NSD2: variants seen among roughly 807,000 people sequenced by gnomAD.
The protein encoded by NSD2 is histone-lysine N-methyltransferase NSD2.
In NSD2, 12 loss-of-function variants were observed where a neutral mutation model predicts 139.0. The ratio of observed to expected loss-of-function variants is 0.09; its 90% confidence interval spans 0.06 to 0.14. NSD2 has a LOEUF of 0.14. Ranked by LOEUF, NSD2 falls within the 10% of genes least tolerant of loss-of-function variation. The pLI, the probability that NSD2 is intolerant of heterozygous loss-of-function variation, is 1.00. For synonymous variants in NSD2, 669 were observed against 648.7 expected, an observed-to-expected ratio of 1.03 and a Z score of -0.48; for missense variants, 1,155 against 1,745.0, an observed-to-expected ratio of 0.66 and a Z score of 6.02.
At chr4:1,885,005 G>C (rs1208885097) in intron 1 of NSD2, among the ~76,000 whole-genome samples, 1 of 151,906 alleles carries the variant, frequency 6.6e-6, no homozygotes, top group East Asian at 1.9e-4. Flanking sequence ...AGCTACTCAG[G>C]AGGCCGAGGC....
In NSD2 at chr4:1,918,218, G is replaced by A. The variant is rs569618048; in HGVS notation, c.1005G>A (p.Met335Ile). The stretch of plus-strand genomic sequence containing the variant: ...TTCAAGCAGAAGAAGCTGCAAGCAT[G>A]TCAGTGGAGGAGCGGAAAGCCAAGT... The part of the protein sequence containing the change: ...GIVQAEEAAS[M>I]SVEERKAKFT... The change falls in exon 5 of 22, where the codon ATG (methionine) becomes ATA (isoleucine). Residue 335 changes from methionine to isoleucine, a missense_variant. Physicochemically the swap from Met to Ile is conservative, Grantham distance 10. Coordinates refer to ENST00000508803, the MANE Select transcript of NSD2 (RefSeq NM_001042424.3). The A allele has an allele frequency of 2.5e-6, 4 of 1,613,530 alleles. No homozygotes were observed. Among genetic ancestry groups the A allele is most frequent in the Middle Eastern group, 1.6e-4 (1 of 6,084 alleles).
At chr4:1,945,124 C>T (rs569219597) in intron 9 of NSD2, 6 of 1,066,274 alleles carry the variant, frequency 5.6e-6, no homozygotes, top group East Asian at 5.0e-5. Context: ...GAGAGGTCCC[C>T]GCAGCTCTAG....
intron 3 of NSD2, among the ~76,000 whole-genome samples, chr4:1,906,526 C>T (rs1185799755): frequency 6.6e-6 from 1 of 151,998 alleles, no homozygotes; most frequent in African/African-American, 2.4e-5. Flanking sequence ...AGAAATGAGC[C>T]ACAGTGCCGC....
At chr4:1,910,501 C>T (rs769993981) in intron 3 of NSD2, among the ~76,000 whole-genome samples, 105 of 152,284 alleles carry the variant, frequency 6.9e-4, no homozygotes, top group Non-Finnish European at 1.1e-3. Context: ...ATATTACACT[C>T]ACTGGTCTCT....
chr4:1,932,895 A>G (rs1318579612), intron 6 of NSD2, among the ~76,000 whole-genome samples: 1 of 152,206 alleles, frequency 6.6e-6, no homozygotes, highest in Admixed American at 6.5e-5. Flanking sequence ...CCTGTGGGAA[A>G]GCGAGGCGCG....
rs199956960 is a variant in NSD2 at position 1,978,831 on chromosome 4, G to A, written c.4020G>A (p.Lys1340=). ...AASVRSTKTE[K]PPPEPGKPKG... ...CGGTCAGAAGCACCAAGACTGAGAA[G>A]CCCCCCCCAGAGCCAGGGAAGCCGA... The change falls in exon 22 of 22, where the codon AAG becomes AAA. Residue 1340 remains lysine (K), a synonymous_variant. Coordinates refer to ENST00000508803, the MANE Select transcript of NSD2 (RefSeq NM_001042424.3). The A allele has an allele frequency of 1.4e-5, 23 of 1,601,614 alleles. No homozygotes were observed. The highest frequency in any genetic ancestry group is 3.3e-4 in the Middle Eastern group (2 of 6,040).
chr4:1,958,159 C>A lies in NSD2; in HGVS notation c.2985+123C>A. 1 of 972,390 alleles carries A rather than the reference C, an allele frequency of 1.0e-6. No individual in the cohort carries two copies. The highest frequency in any genetic ancestry group is 1.5e-6 in the Non-Finnish European group (1 of 645,640). 60.2% of individuals were successfully genotyped at this position (972,390 alleles called of 1,614,324 possible). A position where few individuals can be genotyped will look rare whatever the true frequency, so the allele number is the denominator to read the frequency against. ...CTGTCACCAGCCAGGATCTGTGGTGCCTGGCATGGATGGCCACACAAGAGA... is the reference window on the plus strand; with the variant it reads ...CTGTCACCAGCCAGGATCTGTGGTGACTGGCATGGATGGCCACACAAGAGA... On this transcript the variant is annotated intron_variant, in intron 16 of 21. Coordinates refer to ENST00000508803, the MANE Select transcript of NSD2 (RefSeq NM_001042424.3). The surrounding 1 kb of genome is among the most constrained non-coding windows in gnomAD (Gnocchi z 4.6).
At position 1,942,888 on chromosome 4, in the gene NSD2, AT is replaced by A. The variant is rs1419875335; in HGVS notation, c.1881+3113del. 2.8e-6 allele frequency: 3 copies of A among 1,059,780 alleles called. No individual in the cohort carries two copies. In the East Asian group the frequency reaches 1.6e-4, roughly 55 times the overall value. 65.6% of individuals were successfully genotyped at this position (1,059,780 alleles called of 1,614,324 possible). On this transcript the variant is annotated intron_variant, in intron 9 of 21. Coordinates refer to ENST00000508803, the MANE Select transcript of NSD2 (RefSeq NM_001042424.3). This position sits in a 1 kb window ranked among gnomAD's most constrained non-coding sequence, Gnocchi z 4.0. ...ATTCAGTATTGTAGATACTACACTA[AT>A]TTCCAACATAAGAGGCAGGAAGAGT...
At chr4:1,873,884 A>T (rs528086062) in intron 1 of NSD2, among the ~76,000 whole-genome samples, 2 of 152,134 alleles carry the variant, frequency 1.3e-5, no homozygotes, top group African/African-American at 4.8e-5. Context: ...GGGTCTCTCT[A>T]TGTGGCCCAG....
chr4:1,976,422 GCTTCAGC>G lies in NSD2; in HGVS notation c.3622-50_3622-44del. ...TGTAGCTCGCTCTTCTGCCCTATTT[GCTTCAGC>G]CTGTGTAATTCTTTCCGGTGATCTG... is the stretch of plus-strand genomic sequence containing the variant. On this transcript the variant is annotated intron_variant, in intron 20 of 21. Transcript: ENST00000508803. This position sits in a 1 kb window ranked among gnomAD's most constrained non-coding sequence, Gnocchi z 5.3. The G allele has an allele frequency of 6.3e-7, 1 of 1,576,962 alleles. No homozygotes were observed. Among genetic ancestry groups the G allele is most frequent in the Non-Finnish European group, 8.6e-7 (1 of 1,158,890 alleles).
At chr4:1,877,688 C>G (rs566402125) in intron 1 of NSD2, among the ~76,000 whole-genome samples, 1 of 152,176 alleles carries the variant, frequency 6.6e-6, no homozygotes, top group Admixed American at 6.5e-5. Flanking sequence ...TCATTCTGTT[C>G]CAGCCACACG....
intron 1 of NSD2, among the ~76,000 whole-genome samples, chr4:1,895,110 G>A (rs923535014): frequency 6.6e-6 from 1 of 152,192 alleles, no homozygotes; most frequent in Non-Finnish European, 1.5e-5. Flanking sequence ...GCAGATATCA[G>A]CATTTCCTTC....
At chr4:1,941,896 G>A in intron 9 of NSD2, 2 of 1,065,296 alleles carry the variant, frequency 1.9e-6, no homozygotes, top group Non-Finnish European at 2.3e-6. Context: ...TAGCATATGA[G>A]GCAAAGTGTA....
At chr4:1,928,511 G>A (rs1477499207) in intron 5 of NSD2, among the ~76,000 whole-genome samples, 5 of 152,166 alleles carry the variant, frequency 3.3e-5, no homozygotes, top group Non-Finnish European at 5.9e-5. Context: ...GAAGCTCGGA[G>A]ACGTTAATGA....
Position 1,973,464 on chromosome 4 carries a change from G to A in NSD2, c.3373-1399G>A, listed in dbSNP as rs923537017. ...GCACATCAGCACCGCGGCTCAGCGCGTCATGACAAAGCATCTGCAGAGGGC... is the reference window on the plus strand; with the variant it reads ...GCACATCAGCACCGCGGCTCAGCGCATCATGACAAAGCATCTGCAGAGGGC... On this transcript the variant is annotated intron_variant, in intron 18 of 21. Coordinates refer to ENST00000508803, the MANE Select transcript of NSD2 (RefSeq NM_001042424.3). This position sits in a 1 kb window ranked among gnomAD's most constrained non-coding sequence, Gnocchi z 5.5. Among the ~76,000 whole-genome samples, 3 of 152,248 alleles carry A rather than the reference G, an allele frequency of 2.0e-5. No individual in the cohort carries two copies. Among genetic ancestry groups the A allele is most frequent in the African/African-American group, 4.8e-5 (2 of 41,466 alleles).
At chr4:1,933,995 A>G (rs182641017) in intron 6 of NSD2, among the ~76,000 whole-genome samples, 1 of 151,954 alleles carries the variant, frequency 6.6e-6, no homozygotes, top group Non-Finnish European at 1.5e-5. Flanking sequence ...GTTTAAGGAA[A>G]TGTTTAAAAA....
chr4:1,879,080 T>C (rs1185870113), intron 1 of NSD2, among the ~76,000 whole-genome samples: 1 of 152,158 alleles, frequency 6.6e-6, no homozygotes, highest in Non-Finnish European at 1.5e-5. Flanking sequence ...TAAAAATGTG[T>C]CTCTGGAGCT....
At chr4:1,943,615 T>A (rs1723325683) in intron 9 of NSD2, 1 of 1,048,560 alleles carries the variant, frequency 9.5e-7, no homozygotes, top group African/African-American at 1.7e-5. Context: ...GTTCCTCTAT[T>A]GGCTCTGCTC....
At position 1,978,759 on chromosome 4, in the gene NSD2, C is replaced by A. The variant is rs747360048; in HGVS notation, c.3948C>A (p.Thr1316=). ...AGGACGGGACAGCCTTCAGCTGCAC[C>A]CCGGACGGGCGGTCCTACTGCTGTG... The part of the protein sequence containing the change: ...EHQDGTAFSC[T]PDGRSYCCEH... Residue 1316 remains threonine (T), a synonymous_variant, in exon 22 of 22, where the codon ACC becomes ACA. Coordinates refer to ENST00000508803, the MANE Select transcript of NSD2 (RefSeq NM_001042424.3). 7 of 1,614,104 alleles carry A rather than the reference C, an allele frequency of 4.3e-6. No homozygotes were observed. The Admixed American group carries it at 1.2e-4, about 27-fold the overall frequency.
Sources: allele counts gnomAD v4.1 joint callset (sites outside exome capture counted in the v4.1 genomes callset), GRCh38; gene constraint gnomAD v4.1.1; non-coding constraint Gnocchi (gnomAD v3.1); transcripts MANE v1.5; gene names NCBI Gene and HGNC (gene_info 2026-07-23, HGNC 2026-07-21).